Variants in SGSM1 observed in about 807,000 individuals in gnomAD.
SGSM1 encodes RUN and TBC1 domain containing 2.
In SGSM1, 73 loss-of-function variants were observed where a neutral mutation model predicts 133.8. The observed-to-expected ratio is 0.55, with a 90% CI of 0.45 to 0.66. The LOEUF (loss-of-function observed/expected upper bound fraction) is 0.66. Ranked by LOEUF, SGSM1 falls within the 30% of genes least tolerant of loss-of-function variation. The pLI, the probability that SGSM1 is intolerant of heterozygous loss-of-function variation, is 0.00. For missense variants in SGSM1, 1,213 were observed against 1,448.1 expected (o/e 0.84, Z 2.64); for synonymous variants, 563 against 573.0 (o/e 0.98, Z 0.25).
intron 12 of SGSM1, among the ~76,000 whole-genome samples, chr22:24,875,903 G>A (rs763572333): frequency 1.3e-5 from 2 of 152,162 alleles, no homozygotes; most frequent in South Asian, 4.1e-4. Context: ...AGAGTCCATC[G>A]AATATACCTG....
chr22:24,876,514 T>A (rs1932030481), intron 12 of SGSM1, 63 bp from the exon 13 acceptor site: 2 of 1,601,040 alleles, frequency 1.2e-6, no homozygotes, highest in Admixed American at 1.7e-5. Context: ...TAGGGTGAGA[T>A]TTCTGTGACC....
intron 18 of SGSM1, among the ~76,000 whole-genome samples, 194 bp from the exon 19 acceptor site, chr22:24,897,778 T>G (rs992870989): frequency 6.6e-6 from 1 of 152,170 alleles, no homozygotes; most frequent in South Asian, 2.1e-4. Flanking sequence ...CTAGATCACT[T>G]TCTTATTTGT....
Position 24,919,992 on chromosome 22 carries a change from T to A in SGSM1, c.3192T>A (p.Asn1064Lys). ...TCACAGACATCATCAAATTCTTTAA[T>A]GGTACCCACATGACTGGGGCCTCAT... ...MDFTDIIKFF[N>K]EMAERHNTKQ... Residue 1064 changes from asparagine (N) to lysine (K), a missense_variant and splice_region_variant, in exon 24 of 25, where the codon AAT becomes AAA. By Grantham distance (94) the Asn-to-Lys change is moderately conservative (BLOSUM62 0). Transcript: ENST00000400358. The A allele has an allele frequency of 3.1e-6, 5 of 1,596,244 alleles. No individual in the cohort carries two copies. Among genetic ancestry groups the A allele is most frequent in the Non-Finnish European group, 4.3e-6 (5 of 1,171,258 alleles).
intron 12 of SGSM1, chr22:24,874,302 A>G: frequency 9.1e-7 from 1 of 1,095,700 alleles, no homozygotes; most frequent in East Asian, 2.6e-5. Flanking sequence ...AGCTGTGTGG[A>G]GCCGGGAAGG....
At chr22:24,847,547 T>A (rs1057044511) in intron 3 of SGSM1, 87 bp from the exon 4 acceptor site, 7 of 1,498,094 alleles carry the variant, frequency 4.7e-6, no homozygotes, top group Admixed American at 2.1e-5. Context: ...CTCTCCAAGG[T>A]TCCAGTGTCT....
chr22:24,839,861 A>T (rs67866325), intron 2 of SGSM1, among the ~76,000 whole-genome samples: 29,234 of 147,958 alleles, frequency 0.2, 2,967 homozygotes, highest in Non-Finnish European at 0.24. Context: ...AATTTTGAGA[A>T]TTCTTTTTTT....
At position 24,806,320 on chromosome 22, in the gene SGSM1, G is replaced by A. The variant is rs1347117398; in HGVS notation, c.-6G>A. ...TCCTGGGACTCGGAACGCAGCGCTC[G>A]GAGCCATGGCCTCGGCCCCCGCGGG... On this transcript the variant is annotated 5_prime_UTR_variant, in exon 1 of 25. Coordinates refer to ENST00000400358, the MANE Select transcript of SGSM1 (RefSeq NM_001098497.3). The A allele has an allele frequency of 6.9e-7, 1 of 1,459,468 alleles. No individual in the cohort carries two copies. Among genetic ancestry groups the A allele is most frequent in the Admixed American group, 2.8e-5 (1 of 35,952 alleles). The allele number at this position is 1,459,468 out of a possible 1,614,324, so 90.4% of individuals were successfully genotyped here. A position where few individuals can be genotyped will look rare whatever the true frequency, so the allele number is the denominator to read the frequency against.
intron 23 of SGSM1, among the ~76,000 whole-genome samples, chr22:24,918,037 C>A (rs545775710): frequency 8.5e-5 from 13 of 152,156 alleles, no homozygotes; most frequent in Non-Finnish European, 1.9e-4. Flanking sequence ...GTGAGTACAG[C>A]CAGGACTTGA....
At position 24,925,848 on chromosome 22, in the gene SGSM1, G is replaced by C. The variant is rs1934184354; in HGVS notation, c.*1574G>C. 1 of 152,228 alleles carries C rather than the reference G, an allele frequency of 6.6e-6. No homozygotes were observed. Among genetic ancestry groups the C allele is most frequent in the Admixed American group, 6.5e-5 (1 of 15,270 alleles). The allele number at this position is 152,228 out of a possible 1,614,324, so 9.4% of individuals were successfully genotyped here. ...CTAGGTCTGGGAACAATCCTCTCCA[G>C]GTCTTCACACAGAGTATCACCAATC... On this transcript the variant is annotated 3_prime_UTR_variant, in exon 25 of 25. Transcript: ENST00000400358.
chr22:24,820,433 G>T (rs1409695391), intron 2 of SGSM1, among the ~76,000 whole-genome samples: 1 of 152,190 alleles, frequency 6.6e-6, no homozygotes, highest in Non-Finnish European at 1.5e-5. Flanking sequence ...GGCCAGGTTG[G>T]CAGCAGCCAA....
intron 2 of SGSM1, among the ~76,000 whole-genome samples, chr22:24,827,524 C>A (rs1178097082): frequency 6.6e-6 from 1 of 152,002 alleles, no homozygotes; most frequent in East Asian, 1.9e-4. Context: ...TCCTGACTAG[C>A]CAGCAGGTGG....
chr22:24,837,587 C>G (rs9624624), intron 2 of SGSM1, among the ~76,000 whole-genome samples: 10 of 47,302 alleles, frequency 2.1e-4, no homozygotes, highest in African/African-American at 7.1e-4. Flanking sequence ...GACCCCCCCC[C>G]CCCCTTTCCC....
At chr22:24,884,691 G>T (rs1430657993) in intron 15 of SGSM1, among the ~76,000 whole-genome samples, 1 of 152,236 alleles carries the variant, frequency 6.6e-6, no homozygotes, top group Non-Finnish European at 1.5e-5. Flanking sequence ...TGAGGGGGAA[G>T]AGGCCCCAGG....
chr22:24,871,249 T>A (rs78774899), intron 12 of SGSM1, among the ~76,000 whole-genome samples: 161 of 152,198 alleles, frequency 1.1e-3, no homozygotes, highest in African/African-American at 3.7e-3. Flanking sequence ...GAACCGTTGG[T>A]TTAGAGAAAA....
chr22:24,836,362 A>G (rs946345522), intron 2 of SGSM1, among the ~76,000 whole-genome samples: 2 of 152,228 alleles, frequency 1.3e-5, no homozygotes, highest in Non-Finnish European at 2.9e-5. Context: ...ATCGAAGGAC[A>G]CTTGGGTTGT....
In SGSM1 at chr22:24,884,155, G is replaced by A. The variant is rs1372197433; in HGVS notation, c.1598G>A (p.Gly533Glu). 2.5e-6 allele frequency: 4 copies of A among 1,613,886 alleles called. No individual in the cohort carries two copies. Among genetic ancestry groups the A allele is most frequent in the East Asian group, 2.2e-5 (1 of 44,894 alleles). ...SPDLPCDAGQ[G>E]LTARIWEQYL... ...GACTTGCCCTGCGATGCTGGACAGG[G>A]ACTGACAGCCAGGATCTGGGAGCAG... Residue 533 changes from glycine (G) to glutamate (E), a missense_variant, in exon 15 of 25, where the codon GGA (glycine) becomes GAA (glutamate). Gly to Glu is a moderately conservative substitution (Grantham distance 98, BLOSUM62 -2). Coordinates refer to ENST00000400358, the MANE Select transcript of SGSM1 (RefSeq NM_001098497.3).
intron 2 of SGSM1, among the ~76,000 whole-genome samples, chr22:24,841,014 C>A (rs1023182766): frequency 5.3e-5 from 8 of 151,888 alleles, no homozygotes; most frequent in African/African-American, 1.9e-4. Flanking sequence ...CCACGCCCGG[C>A]TAATTTTTTG....
chr22:24,826,733 G>C (rs1414501050), intron 2 of SGSM1, among the ~76,000 whole-genome samples: 1 of 152,184 alleles, frequency 6.6e-6, no homozygotes, highest in Non-Finnish European at 1.5e-5. Context: ...GAGGCTCTCT[G>C]AGGGGGAGAT....
At chr22:24,830,112 C>T (rs1270599737) in intron 2 of SGSM1, among the ~76,000 whole-genome samples, 2 of 152,168 alleles carry the variant, frequency 1.3e-5, no homozygotes, top group African/African-American at 4.8e-5. Flanking sequence ...CTGCAGTGTT[C>T]AAGGGTAATA....
Sources: allele counts gnomAD v4.1 joint callset (sites outside exome capture counted in the v4.1 genomes callset), GRCh38; gene constraint gnomAD v4.1.1; transcripts MANE v1.5; gene names NCBI Gene and HGNC (gene_info 2026-07-23, HGNC 2026-07-21).